CD109: variants seen among roughly 807,000 people sequenced by gnomAD.
The protein encoded by CD109 is CD109 molecule.
In CD109, 149 loss-of-function variants were observed where a neutral mutation model predicts 165.8. The observed-to-expected ratio is 0.90, with a 90% CI of 0.79 to 1.03. The LOEUF is 1.03. CD109 is among the 50% of genes least tolerant of loss of function. The pLI is 0.00. For missense variants in CD109, 1,712 were observed against 1,677.8 expected (o/e 1.02, Z -0.36); for synonymous variants, 585 against 592.1 (o/e 0.99, Z 0.18).
chr6:73,704,179 CAAAAA>C (rs58505053), intron 2 of CD109, among the ~76,000 whole-genome samples: 1 of 79,248 alleles, frequency 1.3e-5, no homozygotes. Flanking sequence ...GACTCCATCT[CAAAAA>C]AAAAAAAAAA....
chr6:73,787,342 G>A lies in CD109; in HGVS notation c.2446G>A (p.Ala816Thr). Residue 816 changes from alanine to threonine, a missense_variant, in exon 21 of 33, where the codon GCA becomes ACA. Physicochemically the swap from Ala to Thr is moderately conservative, Grantham distance 58. Transcript: ENST00000287097. Reference sequence around the variant, plus strand: ...CCTTCTGGTTCCCAGTGAGGATGGGGCAACTGTTCTTTTTCCCATCAGGCC... The same window carrying A: ...CCTTCTGGTTCCCAGTGAGGATGGGACAACTGTTCTTTTTCCCATCAGGCC... ...QTLLVPSEDGATVLFPIRPTH... is the reference protein window; with the variant it reads ...QTLLVPSEDGTTVLFPIRPTH... 1 of 1,613,878 alleles carries A rather than the reference G, an allele frequency of 6.2e-7. No homozygotes were observed. The highest frequency in any genetic ancestry group is 1.1e-5 in the South Asian group (1 of 91,076).
intron 5 of CD109, among the ~76,000 whole-genome samples, chr6:73,749,187 G>A (rs1042523795): frequency 1.1e-4 from 16 of 152,176 alleles, no homozygotes; most frequent in Admixed American, 3.3e-4. Context: ...GAAAAGCTTC[G>A]TGTAACAAAT....
chr6:73,802,289 G>GTGTGTGTATATATATA (rs71542231), intron 23 of CD109, among the ~76,000 whole-genome samples: 3 of 78,202 alleles, frequency 3.8e-5, no homozygotes, highest in African/African-American at 1.2e-4. Flanking sequence ...GTGTGTGTGT[G>GTGTGTGTATATATATA]TATATATATA....
At chr6:73,743,955 T>A (rs763275337) in intron 5 of CD109, among the ~76,000 whole-genome samples, 1 of 152,222 alleles carries the variant, frequency 6.6e-6, no homozygotes, top group Non-Finnish European at 1.5e-5. Context: ...CTCAGCACTT[T>A]CTCCTCCATT....
In CD109 at chr6:73,766,756, T is replaced by C; in HGVS notation, c.1333-3T>C. The C allele has an allele frequency of 1.3e-6, 2 of 1,598,430 alleles. No individual in the cohort carries two copies. The highest frequency in any genetic ancestry group is 1.7e-6 in the Non-Finnish European group (2 of 1,168,326). ...TTTACAGCTCCTTTTTCTTTTATTA[T>C]AGGCCTATTTCCTTGGTAGTAAAAG... On this transcript the variant is annotated splice_polypyrimidine_tract_variant and splice_region_variant and intron_variant, in intron 11 of 32. Coordinates refer to ENST00000287097, the MANE Select transcript of CD109 (RefSeq NM_133493.5).
At chr6:73,728,132 C>T (rs139719581) in intron 3 of CD109, among the ~76,000 whole-genome samples, 1 of 152,034 alleles carries the variant, frequency 6.6e-6, no homozygotes, top group Non-Finnish European at 1.5e-5. Flanking sequence ...ACCAGCCTGG[C>T]CAACATGGTA....
intron 3 of CD109, among the ~76,000 whole-genome samples, chr6:73,728,971 G>T (rs760413661): frequency 2.2e-4 from 34 of 152,344 alleles, no homozygotes; most frequent in Non-Finnish European, 3.8e-4. Flanking sequence ...TCACGAGGTT[G>T]CAATCAAGAT....
intron 3 of CD109, among the ~76,000 whole-genome samples, chr6:73,725,316 C>T (rs184146490): frequency 0.012 from 1,887 of 152,148 alleles, 38 homozygotes; most frequent in African/African-American, 0.043. Flanking sequence ...GGTTTAAGCT[C>T]AGGAATCACA....
intron 7 of CD109, 88 bp from the exon 8 acceptor site, chr6:73,762,296 C>T: frequency 2.3e-6 from 2 of 851,900 alleles, no homozygotes; most frequent in South Asian, 1.6e-5. Context: ...TTGCTAATTG[C>T]TAATGTATGC....
chr6:73,708,992 CT>C (rs1348218509), intron 2 of CD109, among the ~76,000 whole-genome samples: 1 of 152,154 alleles, frequency 6.6e-6, no homozygotes, highest in African/African-American at 2.4e-5. Context: ...TGTGCAGAAG[CT>C]CTTTAGTTTA....
chr6:73,688,761 G>GTTTT, the CD109 span, among the ~76,000 whole-genome samples: 137 of 73,526 alleles, frequency 1.9e-3, 23 homozygotes, highest in African/African-American at 4.5e-3. Flanking sequence ...GTTTTTCTTT[G>GTTTT]TTTTTTTTTT....
chr6:73,819,575 C>A (rs1418823578), intron 31 of CD109, among the ~76,000 whole-genome samples: 1 of 152,126 alleles, frequency 6.6e-6, no homozygotes, highest in Non-Finnish European at 1.5e-5. Context: ...TGAATATATG[C>A]TTTTAAAAAG....
intron 2 of CD109, among the ~76,000 whole-genome samples, chr6:73,708,281 G>A (rs1000553424): frequency 3.9e-5 from 6 of 152,004 alleles, no homozygotes; most frequent in African/African-American, 1.5e-4. Context: ...AGTTTGCTGA[G>A]AATGATGGTT....
chr6:73,823,439 T>G lies in CD109; in HGVS notation c.4163-19T>G, dbSNP rs746068105. 2.5e-6 allele frequency: 4 copies of G among 1,590,002 alleles called. No homozygotes were observed. In the Admixed American group the frequency reaches 6.9e-5, roughly 27 times the overall value. On this transcript the variant is annotated intron_variant, in intron 32 of 32. Transcript: ENST00000287097. ...TAAACAAGGGAGCCGTGTGAACTGA[T>G]GTCTGCTTCTTTGAACAGGGAGACA...
rs1299067785 is a variant in CD109, at chr6:73,783,827, A to G, written c.2223+3A>G. On this transcript the variant is annotated splice_donor_region_variant and intron_variant, in intron 19 of 32. Coordinates refer to ENST00000287097, the MANE Select transcript of CD109 (RefSeq NM_133493.5). ...GACTAACAACTACTCCAGTGGAGGT[A>G]TTGTATTAAAGAGCTGCTTATCAGT... The G allele has an allele frequency of 1.3e-6, 2 of 1,507,322 alleles. No individual in the cohort carries two copies. Among genetic ancestry groups the G allele is most frequent in the South Asian group, 2.3e-5 (2 of 87,806 alleles). The allele number at this position is 1,507,322 out of a possible 1,614,324, so 93.4% of individuals were successfully genotyped here. A position where few individuals can be genotyped will look rare whatever the true frequency, so the allele number is the denominator to read the frequency against.
rs111287865 is a variant in CD109, at chr6:73,741,853, T to C, written c.633+5345T>C. On this transcript the variant is annotated intron_variant, in intron 5 of 32. Transcript: ENST00000287097. ...GTTCAGCTAATTTTTGTATTTTTAG[T>C]AGAGATGGGGTTTCACCATGTTGGT... Among the ~76,000 whole-genome samples, 78 of 152,240 alleles carry C rather than the reference T, an allele frequency of 5.1e-4. 5 individuals carry two copies. The highest frequency in any genetic ancestry group is 1.4e-3 in the African/African-American group (59 of 41,542).
At position 73,824,599 on chromosome 6, in the gene CD109, G is replaced by T. The variant is rs1776215318; in HGVS notation, c.*966G>T. On this transcript the variant is annotated 3_prime_UTR_variant, in exon 33 of 33. Coordinates refer to ENST00000287097, the MANE Select transcript of CD109 (RefSeq NM_133493.5). ...ATCTTGACATGACTGCTGACCTAAA[G>T]ATCCCTGGCATTGGCCAGGGATCCT... 1 of 152,136 alleles carries T rather than the reference G, an allele frequency of 6.6e-6. No individual in the cohort carries two copies. Among genetic ancestry groups the T allele is most frequent in the Non-Finnish European group, 1.5e-5 (1 of 68,040 alleles). 9.4% of individuals were successfully genotyped at this position (152,136 alleles called of 1,614,324 possible). A position where few individuals can be genotyped will look rare whatever the true frequency, so the allele number is the denominator to read the frequency against.
At chr6:73,730,262 C>T (rs918349985) in intron 3 of CD109, 82 bp from the exon 4 acceptor site, 13 of 905,612 alleles carry the variant, frequency 1.4e-5, no homozygotes, top group Non-Finnish European at 2.3e-5. Flanking sequence ...TGTGTATTTA[C>T]TTTTTTTATT....
intron 4 of CD109, among the ~76,000 whole-genome samples, chr6:73,734,813 G>A (rs987691245): frequency 6.6e-6 from 1 of 152,128 alleles, no homozygotes; most frequent in Non-Finnish European, 1.5e-5. Flanking sequence ...AAGTCTAAGG[G>A]AAAATATTCA....
Sources: gnomAD v4.1 joint callset for allele counts (sites outside exome capture counted in the v4.1 genomes callset) on GRCh38, gnomAD v4.1.1 for gene constraint, MANE v1.5 for transcripts, NCBI Gene and HGNC (gene_info 2026-07-23, HGNC 2026-07-21) for gene names.